Variants in ELMOD1 observed in about 807,000 individuals in gnomAD.
The protein encoded by ELMOD1 is ELMO domain containing 1.
In ELMOD1, 21 loss-of-function variants were observed where a neutral mutation model predicts 46.7. The ratio of observed to expected loss-of-function variants is 0.45; its 90% CI spans 0.32 to 0.65. The LOEUF (loss-of-function observed/expected upper bound fraction) is 0.65. Among genes scored for constraint, ELMOD1 ranks in the 30% least tolerant of loss-of-function variants. ELMOD1 has a pLI of 0.04. For synonymous variants in ELMOD1, 122 were observed against 138.2 expected (o/e 0.88, Z 0.82); for missense variants, 348 against 407.8 (o/e 0.85, Z 1.26).
intron 11 of ELMOD1, among the ~76,000 whole-genome samples, chr11:107,656,964 G>T (rs1866645368): frequency 1.3e-5 from 2 of 152,132 alleles, no homozygotes; most frequent in Admixed American, 6.5e-5. Flanking sequence ...TTGAATAATA[G>T]AAGTGCCAGA....
intron 1 of ELMOD1, among the ~76,000 whole-genome samples, chr11:107,615,985 C>CTTT (rs57135460): frequency 1.6e-4 from 12 of 74,046 alleles, no homozygotes; most frequent in African/African-American, 4.4e-4. Flanking sequence ...CAGGTTTTTC[C>CTTT]TTTTTTTTTT....
intron 5 of ELMOD1, among the ~76,000 whole-genome samples, chr11:107,633,777 T>C (rs1253515948): frequency 6.6e-6 from 1 of 152,008 alleles, no homozygotes; most frequent in African/African-American, 2.4e-5. Flanking sequence ...TTATATTCCG[T>C]CCATTCTCCT....
intron 10 of ELMOD1, among the ~76,000 whole-genome samples, chr11:107,655,439 C>T (rs1020373204): frequency 1.3e-5 from 2 of 151,900 alleles, no homozygotes; most frequent in Non-Finnish European, 2.9e-5. Flanking sequence ...TACCAATTCT[C>T]GTGATACTCA....
intron 2 of ELMOD1, chr11:107,620,039 A>G (rs1394747506): frequency 6.6e-6 from 1 of 152,200 alleles, no homozygotes; most frequent in Non-Finnish European, 1.5e-5. Flanking sequence ...TCTGTAGTCC[A>G]TTTCCACAGA....
chr11:107,656,361 C>T (rs1866631250), intron 11 of ELMOD1, among the ~76,000 whole-genome samples: 1 of 150,214 alleles, frequency 6.7e-6, no homozygotes, highest in Non-Finnish European at 1.5e-5. Context: ...GCACTCCAGC[C>T]TGGACAACAG....
chr11:107,594,081 G>A (rs1262242060), intron 1 of ELMOD1, among the ~76,000 whole-genome samples: 2 of 152,126 alleles, frequency 1.3e-5, no homozygotes, highest in African/African-American at 2.4e-5. Flanking sequence ...GGAGGGATCT[G>A]CATCATAAGT....
intron 1 of ELMOD1, among the ~76,000 whole-genome samples, chr11:107,616,013 T>C: frequency 1.6e-5 from 1 of 62,394 alleles, no homozygotes; most frequent in South Asian, 5.7e-4. Flanking sequence ...TTTTTTTTTT[T>C]GAGACAGAGT....
chr11:107,630,632 G>T lies in ELMOD1; in HGVS notation c.164-68G>T, dbSNP rs1309134433. 30 of 1,600,990 alleles carry T rather than the reference G, an allele frequency of 1.9e-5. No homozygotes were observed. In the East Asian group the frequency reaches 6.5e-4, roughly 35 times the overall value. Reference sequence around the variant, plus strand: ...ATGGAAGATACGATGTTGTCTTTCAGTGTAGTAATTCTAAACCATGTGTAA... The same window carrying T: ...ATGGAAGATACGATGTTGTCTTTCATTGTAGTAATTCTAAACCATGTGTAA... On this transcript the variant is annotated intron_variant, in intron 3 of 11. Coordinates refer to ENST00000265840, the MANE Select transcript of ELMOD1 (RefSeq NM_018712.4).
At chr11:107,659,832 C>G (rs1400796607) in intron 11 of ELMOD1, among the ~76,000 whole-genome samples, 1 of 152,098 alleles carries the variant, frequency 6.6e-6, no homozygotes, top group Non-Finnish European at 1.5e-5. Flanking sequence ...GAGGCTGAGG[C>G]AGGACCATCA....
intron 2 of ELMOD1, chr11:107,625,328 G>A (rs1364242999): frequency 9.5e-5 from 85 of 894,658 alleles, no homozygotes; most frequent in Non-Finnish European, 1.1e-4. Context: ...ACTGTGGTTT[G>A]AACCAAGAAC....
chr11:107,655,947 T>C lies in ELMOD1; in HGVS notation c.713T>C (p.Ile238Thr). The part of the protein sequence containing the change: ...MDKAIGYSFA[I>T]VGINITDLAY... ...ATACTTTATAGGTACTCATTTGCAATTGTGGGCATCAATATAACTGACCTG... is the reference window on the plus strand; with the variant it reads ...ATACTTTATAGGTACTCATTTGCAACTGTGGGCATCAATATAACTGACCTG... Residue 238 changes from isoleucine to threonine, a missense_variant, in exon 11 of 12, where the codon ATT becomes ACT. Ile to Thr is a moderately conservative substitution (Grantham distance 89). Coordinates refer to ENST00000265840, the MANE Select transcript of ELMOD1 (RefSeq NM_018712.4). 1 of 1,606,918 alleles carries C rather than the reference T, an allele frequency of 6.2e-7. No homozygotes were observed. Among genetic ancestry groups the C allele is most frequent in the South Asian group, 1.1e-5 (1 of 89,674 alleles).
intron 2 of ELMOD1, among the ~76,000 whole-genome samples, chr11:107,629,410 C>T (rs1236512046): frequency 1.3e-5 from 2 of 152,178 alleles, no homozygotes; most frequent in Non-Finnish European, 1.5e-5. Flanking sequence ...AATAATTCTG[C>T]CTCCTGGGGA....
At chr11:107,615,889 A>T (rs780185430) in intron 1 of ELMOD1, among the ~76,000 whole-genome samples, 1 of 151,236 alleles carries the variant, frequency 6.6e-6, no homozygotes, top group Non-Finnish European at 1.5e-5. Context: ...TGCCATTTTC[A>T]TCATATCAGG....
At chr11:107,619,203 G>A (rs1291046951) in intron 2 of ELMOD1, among the ~76,000 whole-genome samples, 1 of 152,154 alleles carries the variant, frequency 6.6e-6, no homozygotes, top group South Asian at 2.1e-4. Flanking sequence ...GCAGCTACTG[G>A]TAGTTTACTG....
chr11:107,657,947 A>G (rs1351370406), intron 11 of ELMOD1, among the ~76,000 whole-genome samples: 2 of 152,260 alleles, frequency 1.3e-5, no homozygotes, highest in African/African-American at 2.4e-5. Flanking sequence ...TGGCATATAT[A>G]GAAGACAGTT....
chr11:107,595,008 C>T (rs754427757), intron 1 of ELMOD1, among the ~76,000 whole-genome samples: 1 of 152,120 alleles, frequency 6.6e-6, no homozygotes, highest in Admixed American at 6.5e-5. Context: ...TATTGAATAA[C>T]GTGGTAAATT....
chr11:107,617,985 C>A (rs1865889189), intron 1 of ELMOD1, 120 bp from the exon 2 acceptor site: 1 of 613,656 alleles, frequency 1.6e-6, no homozygotes, highest in Non-Finnish European at 3.0e-6. Context: ...GTGGGCAGTT[C>A]TGTTGATAAT....
chr11:107,601,134 T>C (rs1379757801), intron 1 of ELMOD1, among the ~76,000 whole-genome samples: 5 of 152,124 alleles, frequency 3.3e-5, no homozygotes, highest in African/African-American at 9.7e-5. Flanking sequence ...TTTTAATTCT[T>C]TTAACTGTTT....
At chr11:107,625,347 T>C (rs1472872854) in intron 2 of ELMOD1, 2 of 937,738 alleles carry the variant, frequency 2.1e-6, no homozygotes, top group East Asian at 1.2e-4. Flanking sequence ...ACTGTGATTA[T>C]TTTTGTACAT....
Sources: allele counts gnomAD v4.1 joint callset (sites outside exome capture counted in the v4.1 genomes callset), GRCh38; gene constraint gnomAD v4.1.1; transcripts MANE v1.5; gene names NCBI Gene and HGNC (gene_info 2026-07-23, HGNC 2026-07-21).